The following PTPRD variants were observed in gnomAD, a reference collection of about 807,000 sequenced individuals.
PTPRD encodes the protein protein tyrosine phosphatase receptor type D, also known as receptor-type tyrosine-protein phosphatase delta.
In PTPRD, 34 loss-of-function variants were observed where a neutral mutation model predicts 214.5. The observed-to-expected ratio is 0.16, with a 90% confidence interval of 0.12 to 0.21. The LOEUF (loss-of-function observed/expected upper bound fraction) is 0.21. PTPRD is among the 10% of genes least tolerant of loss of function. The pLI is 1.00. For missense variants in PTPRD, 2,545 were observed against 2,398.7 expected, an observed-to-expected ratio of 1.06 and a Z score of -1.27; for synonymous variants, 1,128 against 845.7, an observed-to-expected ratio of 1.33 and a Z score of -5.79.
intron 9 of PTPRD, among the ~76,000 whole-genome samples, chr9:9,190,537 G>C (rs1259958483): frequency 6.6e-6 from 1 of 152,000 alleles, no homozygotes; most frequent in African/African-American, 2.4e-5. Context: ...TTTATCAGCA[G>C]TGTGAAAATG....
At chr9:9,477,418 T>C (rs1349786731) in intron 8 of PTPRD, among the ~76,000 whole-genome samples, 1 of 152,208 alleles carries the variant, frequency 6.6e-6, no homozygotes, top group Non-Finnish European at 1.5e-5. Context: ...TTATTAGTAA[T>C]TAAACTGGGA....
intron 4 of PTPRD, among the ~76,000 whole-genome samples, chr9:10,010,331 A>C (rs1429995382): frequency 7.0e-6 from 1 of 143,362 alleles, no homozygotes; most frequent in Non-Finnish European, 1.6e-5. Flanking sequence ...AGATGTCTAC[A>C]ATTGTTCGAA....
intron 3 of PTPRD, among the ~76,000 whole-genome samples, chr9:10,129,142 TCTTGTTTG>T (rs932115519): frequency 2.2e-4 from 34 of 152,290 alleles, no homozygotes; most frequent in Admixed American, 3.3e-4. Context: ...CCTTGCTGCT[TCTTGTTTG>T]TGTATGAATT....
intron 9 of PTPRD, among the ~76,000 whole-genome samples, chr9:9,238,551 T>TA (rs1170883374): frequency 7.2e-5 from 11 of 152,036 alleles, no homozygotes; most frequent in African/African-American, 2.7e-4. Context: ...AAAGGGATCT[T>TA]AGAGTCAAAG....
At chr9:9,963,921 G>A (rs553583787) in intron 4 of PTPRD, among the ~76,000 whole-genome samples, 1 of 152,088 alleles carries the variant, frequency 6.6e-6, no homozygotes, top group African/African-American at 2.4e-5. Flanking sequence ...GATTCTACTT[G>A]CTCCATGGAA....
At chr9:9,208,558 T>G (rs915429485) in intron 9 of PTPRD, among the ~76,000 whole-genome samples, 1 of 152,100 alleles carries the variant, frequency 6.6e-6, no homozygotes, top group African/African-American at 2.4e-5. Flanking sequence ...TTTATCAAAC[T>G]AAATTTAATA....
chr9:8,600,585 G>A (rs951056971), intron 14 of PTPRD, among the ~76,000 whole-genome samples: 2 of 151,892 alleles, frequency 1.3e-5, no homozygotes, highest in Middle Eastern at 3.4e-3. Context: ...GCCACAGTAG[G>A]ATGGGGCACT....
chr9:8,715,612 A>G (rs1326923540), intron 12 of PTPRD, among the ~76,000 whole-genome samples: 2 of 152,184 alleles, frequency 1.3e-5, no homozygotes, highest in African/African-American at 2.4e-5. Context: ...TCTTCTAACT[A>G]AAGTTATAAA....
chr9:10,016,599 T>A (rs1407079457), intron 4 of PTPRD, among the ~76,000 whole-genome samples: 3 of 152,066 alleles, frequency 2.0e-5, no homozygotes, highest in African/African-American at 7.2e-5. Context: ...ATGTGGAGAT[T>A]GTTTCCAGGT....
At chr9:10,216,797 C>A (rs1417385438) in intron 3 of PTPRD, among the ~76,000 whole-genome samples, 1 of 151,978 alleles carries the variant, frequency 6.6e-6, no homozygotes, top group Admixed American at 6.6e-5. Context: ...CATGCAAGTG[C>A]AACACTTCTA....
Position 8,934,520 on chromosome 9 carries a change from A to AAAT in PTPRD, c.-104+84176_-104+84177insATT, listed in dbSNP as rs376937451. 9.4e-4 allele frequency among the ~76,000 whole-genome samples: 16 copies of AAAT among 17,062 alleles called. 1 individual carries two copies. Among genetic ancestry groups the AAAT allele is most frequent in the East Asian group, 7.8e-3 (3 of 384 alleles). 11.2% of individuals were successfully genotyped at this position (17,062 alleles called of 152,430 possible). On this transcript the variant is annotated intron_variant, in intron 11 of 45. Coordinates refer to ENST00000381196, the MANE Select transcript of PTPRD (RefSeq NM_002839.4). Reference sequence around the variant, plus strand: ...ATATATATATAAATATATATATATAAATATATATATATATGGGAAACCATA... The same window carrying AAAT: ...ATATATATATAAATATATATATATAAAATATATATATATATATGGGAAACCATA...
chr9:10,124,003 A>G (rs2098796624), intron 3 of PTPRD, among the ~76,000 whole-genome samples: 1 of 152,168 alleles, frequency 6.6e-6, no homozygotes, highest in Non-Finnish European at 1.5e-5. Context: ...CTAATTTTGT[A>G]TATGGAGTGG....
intron 3 of PTPRD, among the ~76,000 whole-genome samples, chr9:10,088,943 T>C (rs1284996444): frequency 6.6e-6 from 1 of 151,704 alleles, no homozygotes; most frequent in Non-Finnish European, 1.5e-5. Context: ...CAATAGATTG[T>C]ATGTTTTAAA....
At chr9:9,931,552 C>A (rs1466776106) in intron 5 of PTPRD, among the ~76,000 whole-genome samples, 9 of 152,168 alleles carry the variant, frequency 5.9e-5, no homozygotes, top group Admixed American at 5.9e-4. Context: ...GAGATTATAT[C>A]CCGCACGTGG....
intron 2 of PTPRD, among the ~76,000 whole-genome samples, chr9:10,344,905 C>T: frequency 6.6e-6 from 1 of 152,074 alleles, no homozygotes; most frequent in Non-Finnish European, 1.5e-5. Flanking sequence ...TCATGCCTTG[C>T]TTTCTCTGTT....
At position 10,296,060 on chromosome 9, in the gene PTPRD, C is replaced by A. The variant is rs573027103; in HGVS notation, c.-545+44903G>T. Among the ~76,000 whole-genome samples the A allele has an allele frequency of 7.9e-5, 12 of 152,182 alleles. No homozygotes were observed. The South Asian group carries it at 2.3e-3, about 29-fold the overall frequency. On this transcript the variant is annotated intron_variant, in intron 3 of 45. Transcript: ENST00000381196. ...TACACAAGTACACAACTATTTATCA[C>A]CACTAAACATGAACCACAGATGGGA... is the stretch of plus-strand genomic sequence containing the variant.
intron 4 of PTPRD, among the ~76,000 whole-genome samples, chr9:9,947,303 T>A (rs1566613691): frequency 1.0e-5 from 1 of 95,962 alleles, no homozygotes; most frequent in Non-Finnish European, 1.9e-5. Flanking sequence ...TATATATATA[T>A]TTTATATATA....
At chr9:10,388,813 G>C (rs1170573097) in intron 2 of PTPRD, among the ~76,000 whole-genome samples, 1 of 151,836 alleles carries the variant, frequency 6.6e-6, no homozygotes, top group African/African-American at 2.4e-5. Context: ...GTGAGGAATA[G>C]AGGTAGAAAT....
At chr9:8,823,409 G>A (rs1004373418) in intron 11 of PTPRD, among the ~76,000 whole-genome samples, 29 of 152,148 alleles carry the variant, frequency 1.9e-4, no homozygotes, top group African/African-American at 7.0e-4. Context: ...CATGCTTCAT[G>A]GAAACCTTAA....
Sources: gnomAD v4.1 joint callset for allele counts (sites outside exome capture counted in the v4.1 genomes callset) on GRCh38, gnomAD v4.1.1 for gene constraint, MANE v1.5 for transcripts, NCBI Gene and HGNC (gene_info 2026-07-23, HGNC 2026-07-21) for gene names.